Variants in PCDH15 observed in about 807,000 individuals in gnomAD.
The protein encoded by PCDH15 is protocadherin related 15.
In PCDH15, 129 loss-of-function variants were observed where a neutral mutation model predicts 178.5. The observed-to-expected ratio is 0.72, with a 90% CI of 0.63 to 0.84. The LOEUF (loss-of-function observed/expected upper bound fraction) is 0.84. Ranked by LOEUF, PCDH15 falls within the 40% of genes least tolerant of loss-of-function variation. PCDH15 has a pLI of 0.00. For missense variants in PCDH15, 2,230 were observed against 2,099.9 expected (o/e 1.06, Z -1.21); for synonymous variants, 800 against 732.0 (o/e 1.09, Z -1.50).
chr10:54,346,700 C>T (rs908801243), intron 5 of PCDH15, among the ~76,000 whole-genome samples: 1 of 152,050 alleles, frequency 6.6e-6, no homozygotes, highest in African/African-American at 2.4e-5. Context: ...TTGCTATGGG[C>T]GAAGAAGCAG....
chr10:54,864,267 C>T (rs539637078), intron 3 of PCDH15, among the ~76,000 whole-genome samples: 5 of 151,912 alleles, frequency 3.3e-5, no homozygotes, highest in East Asian at 1.9e-4. Flanking sequence ...CAGCAAAGAG[C>T]GTGAAGTGGA....
intron 3 of PCDH15, among the ~76,000 whole-genome samples, chr10:54,451,959 TCC>T (rs903191344): frequency 6.6e-6 from 1 of 151,984 alleles, no homozygotes; most frequent in African/African-American, 2.4e-5. Flanking sequence ...CATCCTTACT[TCC>T]TTCAAGTAAT....
At chr10:54,146,529 A>G (rs2043918879) in intron 14 of PCDH15, among the ~76,000 whole-genome samples, 2 of 151,892 alleles carry the variant, frequency 1.3e-5, no homozygotes, top group African/African-American at 4.8e-5. Flanking sequence ...ATCCCAAAAT[A>G]ACTTAAGTGT....
chr10:55,599,780 C>A, intron 2 of PCDH15: 1 of 472,922 alleles, frequency 2.1e-6, no homozygotes, highest in Admixed American at 3.9e-5. Context: ...AAAAACATCA[C>A]CCCTAGCATT....
At chr10:55,085,577 C>T (rs1220713815) in intron 2 of PCDH15, among the ~76,000 whole-genome samples, 2 of 151,712 alleles carry the variant, frequency 1.3e-5, no homozygotes, top group African/African-American at 2.4e-5. Context: ...GCATTATATG[C>T]CTTTATCAGA....
intron 1 of PCDH15, among the ~76,000 whole-genome samples, chr10:54,733,410 C>A (rs1478061584): frequency 6.6e-6 from 1 of 151,398 alleles, no homozygotes; most frequent in Admixed American, 6.6e-5. Flanking sequence ...TAAATTCTAA[C>A]AAAGTATATG....
In PCDH15 at chr10:54,039,270, T is replaced by C. The variant is rs147370202; in HGVS notation, c.2221-16073A>G. On this transcript the variant is annotated intron_variant, in intron 18 of 37. Transcript: ENST00000644397. Reference sequence around the variant, plus strand: ...GGATGCTGCTATAACTAGTGTAGCATTATTAATTATTCTAGCTGCATGATA... The same window carrying C: ...GGATGCTGCTATAACTAGTGTAGCACTATTAATTATTCTAGCTGCATGATA... Among the ~76,000 whole-genome samples, 491 of 152,086 alleles carry C rather than the reference T, an allele frequency of 3.2e-3. 2 individuals are homozygous for C. The highest frequency in any genetic ancestry group is 0.011 in the African/African-American group (445 of 41,528).
intron 3 of PCDH15, among the ~76,000 whole-genome samples, chr10:54,519,677 A>T (rs1466698160): frequency 2.0e-5 from 3 of 152,166 alleles, no homozygotes; most frequent in Non-Finnish European, 4.4e-5. Context: ...CCATCAAGCT[A>T]TCAAGGACTT....
intron 26 of PCDH15, among the ~76,000 whole-genome samples, chr10:53,871,451 C>CGTGTGTGT (rs71461208): frequency 0.42 from 61,272 of 146,618 alleles, 12,929 homozygotes; most frequent in East Asian, 0.64. Flanking sequence ...TATATTCATA[C>CGTGTGTGT]GTGTGTGTGT....
chr10:55,025,368 TG>T (rs1840450750), intron 2 of PCDH15, among the ~76,000 whole-genome samples: 1 of 152,172 alleles, frequency 6.6e-6, no homozygotes, highest in South Asian at 2.1e-4. Flanking sequence ...TTGTCATGTG[TG>T]TTTTGCAATT....
chr10:54,234,493 C>T (rs1296850258), intron 9 of PCDH15, among the ~76,000 whole-genome samples: 2 of 152,106 alleles, frequency 1.3e-5, no homozygotes, highest in Non-Finnish European at 2.9e-5. Context: ...GTCGAAGCTT[C>T]AATGAGCTAT....
At chr10:55,260,984 T>C (rs930702325) in intron 1 of PCDH15, among the ~76,000 whole-genome samples, 24 of 152,168 alleles carry the variant, frequency 1.6e-4, no homozygotes, top group African/African-American at 4.6e-4. Flanking sequence ...TAGCTTTTTT[T>C]CTATTGAATA....
chr10:54,814,511 G>A (rs1444633956), intron 3 of PCDH15, among the ~76,000 whole-genome samples: 1 of 152,108 alleles, frequency 6.6e-6, no homozygotes, highest in Non-Finnish European at 1.5e-5. Context: ...AGAACAGAAA[G>A]CTGAGTTCAG....
At chr10:55,622,257 C>T (rs1316605062) in intron 2 of PCDH15, among the ~76,000 whole-genome samples, 6 of 148,512 alleles carry the variant, frequency 4.0e-5, no homozygotes, top group Non-Finnish European at 8.9e-5. Context: ...GATCTGCCAG[C>T]CTAGGCCTCC....
At chr10:55,118,156 T>C (rs564032679) in intron 2 of PCDH15, among the ~76,000 whole-genome samples, 1 of 152,152 alleles carries the variant, frequency 6.6e-6, no homozygotes, top group South Asian at 2.1e-4. Context: ...AACACTCTCA[T>C]ATAGACAAAT....
chr10:54,497,139 C>T (rs972620302), intron 3 of PCDH15, among the ~76,000 whole-genome samples: 15 of 151,848 alleles, frequency 9.9e-5, no homozygotes, highest in African/African-American at 3.6e-4. Flanking sequence ...TGGTCCAAGC[C>T]ATCCAGGGTT....
intron 2 of PCDH15, among the ~76,000 whole-genome samples, chr10:55,067,218 A>G (rs973893667): frequency 6.6e-6 from 1 of 152,002 alleles, no homozygotes; most frequent in Non-Finnish European, 1.5e-5. Context: ...TGTACTCATT[A>G]ACCAACCTCC....
intron 2 of PCDH15, among the ~76,000 whole-genome samples, chr10:55,432,810 G>C (rs750546248): frequency 6.6e-6 from 1 of 151,426 alleles, no homozygotes; most frequent in Non-Finnish European, 1.5e-5. Context: ...ATTTTTAGTA[G>C]AGATGGCGTT....
intron 3 of PCDH15, among the ~76,000 whole-genome samples, chr10:54,844,978 C>T (rs1953480272): frequency 6.6e-6 from 1 of 151,858 alleles, no homozygotes. Flanking sequence ...CTTTCATTTA[C>T]TTTTCTTCTG....
Sources: gnomAD v4.1 joint callset for allele counts (sites outside exome capture counted in the v4.1 genomes callset) on GRCh38, gnomAD v4.1.1 for gene constraint, MANE v1.5 for transcripts, NCBI Gene and HGNC (gene_info 2026-07-23, HGNC 2026-07-21) for gene names.